The following CCDC144A variants were observed in gnomAD, a reference collection of about 807,000 sequenced individuals.
CCDC144A encodes coiled-coil domain-containing protein 144A.
In CCDC144A, 41 loss-of-function variants were observed where a neutral mutation model predicts 143.8. The observed-to-expected ratio is 0.29, with a 90% confidence interval of 0.22 to 0.37. The LOEUF (loss-of-function observed/expected upper bound fraction) is 0.37. Ranked by LOEUF, CCDC144A falls within the 10% of genes least tolerant of loss-of-function variation. The probability of loss-of-function intolerance (pLI) is 1.00; values close to 1 mark genes in which losing one functional copy is unlikely to be tolerated. For missense variants in CCDC144A, 637 were observed against 1,488.8 expected, an observed-to-expected ratio of 0.43 and a Z score of 9.41; for synonymous variants, 242 against 517.9, an observed-to-expected ratio of 0.47 and a Z score of 7.23.
chr17:16,736,693 G>A (rs533188905), intron 12 of CCDC144A, among the ~76,000 whole-genome samples: 279 of 151,862 alleles, frequency 1.8e-3, no homozygotes, highest in Middle Eastern at 0.01. Flanking sequence ...GGAATGGACT[G>A]AATCGGTGAG....
intron 2 of CCDC144A, among the ~76,000 whole-genome samples, chr17:16,700,349 G>C (rs1168594432): frequency 6.6e-6 from 1 of 152,044 alleles, no homozygotes; most frequent in African/African-American, 2.4e-5. Context: ...TTCGATGGAG[G>C]CTAGTCACAT....
Position 16,707,524 on chromosome 17 carries a change from C to T in CCDC144A, c.720C>T (p.Cys240=), listed in dbSNP as rs772414094. 28 of 1,599,354 alleles carry T rather than the reference C, an allele frequency of 1.8e-5. 1 individual carries two copies. The highest frequency in any genetic ancestry group is 2.7e-5 in the African/African-American group (2 of 74,318). ...SEEEQERLKG[C]ENKQPQKTSQ... ...AAGAGCAAGAAAGACTTAAAGGATG[C>T]GAAAATAAGCAGCCACAGGTGTGGA... is the stretch of plus-strand genomic sequence containing the variant. Residue 240 remains cysteine (C), a synonymous_variant, in exon 4 of 17, where the codon TGC becomes TGT. Coordinates refer to ENST00000399273, the MANE Select transcript of CCDC144A (RefSeq NM_001382000.1).
chr17:16,745,194 C>G (rs1051433176), intron 12 of CCDC144A, among the ~76,000 whole-genome samples: 1 of 150,304 alleles, frequency 6.7e-6, no homozygotes, highest in East Asian at 2.0e-4. Flanking sequence ...ACTCTTCACT[C>G]GACACCATGG....
chr17:16,754,855 GCTAT>G (rs1449292675), intron 12 of CCDC144A, among the ~76,000 whole-genome samples: 1 of 152,168 alleles, frequency 6.6e-6, no homozygotes, highest in Non-Finnish European at 1.5e-5. Flanking sequence ...TGTACTGGAG[GCTAT>G]CTGTCTCTTT....
chr17:16,738,792 C>T (rs904790775), intron 12 of CCDC144A, among the ~76,000 whole-genome samples: 1 of 152,002 alleles, frequency 6.6e-6, no homozygotes, highest in African/African-American at 2.4e-5. Context: ...GTATTCCTTT[C>T]TCTTGGGTAT....
intron 4 of CCDC144A, among the ~76,000 whole-genome samples, chr17:16,707,803 A>G (rs1427676814): frequency 1.1e-4 from 16 of 152,184 alleles, no homozygotes. Flanking sequence ...TTCCATTCTT[A>G]CAATATCCTT....
chr17:16,723,697 T>C (rs1019619981), intron 8 of CCDC144A, among the ~76,000 whole-genome samples: 2 of 152,118 alleles, frequency 1.3e-5, no homozygotes, highest in Non-Finnish European at 2.9e-5. Context: ...GGGGTCTATA[T>C]ATATAAGGGC....
intron 12 of CCDC144A, among the ~76,000 whole-genome samples, chr17:16,751,761 G>C (rs866665019): frequency 4.6e-5 from 7 of 152,234 alleles, no homozygotes; most frequent in African/African-American, 1.4e-4. Flanking sequence ...TGGGTCAAGG[G>C]GGGAGGATCC....
chr17:16,736,930 A>C (rs1181609719), intron 12 of CCDC144A, among the ~76,000 whole-genome samples: 1 of 152,150 alleles, frequency 6.6e-6, no homozygotes, highest in East Asian at 1.9e-4. Flanking sequence ...CCACGTACCA[A>C]ATTCTTTTTG....
intron 12 of CCDC144A, among the ~76,000 whole-genome samples, chr17:16,753,772 A>G (rs1395566318): frequency 1.3e-5 from 2 of 152,094 alleles, no homozygotes; most frequent in East Asian, 1.9e-4. Flanking sequence ...TTCTCTGACA[A>G]TTTTTGTATC....
rs548425155 is a variant in CCDC144A, at chr17:16,753,515, G to T, written c.3373-7910G>T. Among the ~76,000 whole-genome samples, 47 of 72,446 alleles carry T rather than the reference G, an allele frequency of 6.5e-4. 3 individuals carry two copies. The East Asian group carries it at 0.024, about 37-fold the overall frequency. 47.5% of individuals were successfully genotyped at this position (72,446 alleles called of 152,430 possible). The stretch of plus-strand genomic sequence containing the variant: ...TTATTCTGAGCCATTTTATTATTTT[G>T]TAGCTAGAATAGTGGGACGGCCTTC... On this transcript the variant is annotated intron_variant, in intron 12 of 16. Coordinates refer to ENST00000399273, the MANE Select transcript of CCDC144A (RefSeq NM_001382000.1).
chr17:16,749,727 T>C (rs1290210663), intron 12 of CCDC144A, among the ~76,000 whole-genome samples: 3 of 152,218 alleles, frequency 2.0e-5, no homozygotes, highest in Non-Finnish European at 4.4e-5. Flanking sequence ...CTGAGTCTTT[T>C]GGTAGGTCTG....
the CCDC144A span, among the ~76,000 whole-genome samples, chr17:16,672,144 A>C: frequency 2.6e-5 from 4 of 152,122 alleles, no homozygotes; most frequent in Admixed American, 6.6e-5. Flanking sequence ...GCTGCCTCCT[A>C]TCAGAATTTA....
the CCDC144A span, among the ~76,000 whole-genome samples, chr17:16,668,831 G>C: frequency 6.6e-6 from 1 of 152,148 alleles, no homozygotes; most frequent in Admixed American, 6.5e-5. Flanking sequence ...TTTGGTTCTT[G>C]AACAGGCTTT....
At chr17:16,723,646 C>G (rs1913221459) in intron 8 of CCDC144A, among the ~76,000 whole-genome samples, 1 of 151,976 alleles carries the variant, frequency 6.6e-6, no homozygotes, top group Non-Finnish European at 1.5e-5. Flanking sequence ...TCTTTTTTCC[C>G]CCTGTGTCCT....
intron 2 of CCDC144A, among the ~76,000 whole-genome samples, chr17:16,702,084 C>G (rs1462646958): frequency 3.9e-5 from 6 of 152,102 alleles, no homozygotes; most frequent in South Asian, 4.2e-4. Context: ...AATGCTCTGT[C>G]ATAGGAAATG....
upstream of CCDC144A, among the ~76,000 whole-genome samples, chr17:16,688,468 CT>C (rs1335654008): frequency 1.5e-5 from 2 of 134,130 alleles, no homozygotes; most frequent in East Asian, 2.1e-4. Flanking sequence ...CAGGGTGATA[CT>C]TTTTTTCTTT....
the CCDC144A span, among the ~76,000 whole-genome samples, chr17:16,672,943 A>C: frequency 6.6e-6 from 1 of 152,140 alleles, no homozygotes; most frequent in Non-Finnish European, 1.5e-5. Flanking sequence ...TGATAGAGAT[A>C]TAGATAGATA....
chr17:16,751,754 G>A (rs1914803102), intron 12 of CCDC144A, among the ~76,000 whole-genome samples: 1 of 152,240 alleles, frequency 6.6e-6, no homozygotes, highest in South Asian at 2.1e-4. Context: ...TATAATGTGG[G>A]TCAAGGGGGG....
Sources: gnomAD v4.1 joint callset for allele counts (sites outside exome capture counted in the v4.1 genomes callset) on GRCh38, gnomAD v4.1.1 for gene constraint, MANE v1.5 for transcripts, NCBI Gene and HGNC (gene_info 2026-07-23, HGNC 2026-07-21) for gene names.